Variants in NWD2 observed in about 807,000 individuals in gnomAD.
The protein encoded by NWD2 is NACHT and WD repeat domain-containing protein 2.
A neutral mutation model predicts 132.7 loss-of-function variants in NWD2; 37 were observed. The ratio of observed to expected loss-of-function variants is 0.28; its 90% CI spans 0.21 to 0.37. The LOEUF is 0.37. Ranked by LOEUF, NWD2 falls within the 10% of genes least tolerant of loss-of-function variation. The probability of loss-of-function intolerance (pLI) is 1.00; values close to 1 mark genes in which losing one functional copy is unlikely to be tolerated. For synonymous variants in NWD2, 705 were observed against 803.0 expected, an observed-to-expected ratio of 0.88 and a Z score of 2.06; for missense variants, 1,592 against 2,122.4, an observed-to-expected ratio of 0.75 and a Z score of 4.91.
intron 3 of NWD2, among the ~76,000 whole-genome samples, chr4:37,395,955 G>A (rs113615605): frequency 2.0e-5 from 3 of 151,868 alleles, no homozygotes; most frequent in African/African-American, 7.2e-5. Context: ...TGTCTGAGAT[G>A]TATTGCTTCC....
intron 1 of NWD2, among the ~76,000 whole-genome samples, chr4:37,274,766 G>C (rs1035229308): frequency 1.3e-5 from 2 of 152,070 alleles, no homozygotes; most frequent in Admixed American, 6.6e-5. Context: ...GGGATGCAAG[G>C]CTGGTTCAAC....
rs1712672020 is a variant in NWD2, at chr4:37,447,513, C to T, written c.*296C>T. ...TGTGGTGAGGCAGCATAATACATCCCACTGGTTAAGATGAGAGAGGCTAGA... is the reference window on the plus strand; with the variant it reads ...TGTGGTGAGGCAGCATAATACATCCTACTGGTTAAGATGAGAGAGGCTAGA... On this transcript the variant is annotated 3_prime_UTR_variant, in exon 7 of 7. Transcript: ENST00000309447. The T allele has an allele frequency of 2.5e-6, 1 of 396,374 alleles. No homozygotes were observed. The highest frequency in any genetic ancestry group is 4.9e-5 in the East Asian group (1 of 20,310). The allele number at this position is 396,374 out of a possible 1,614,324, so 24.6% of individuals were successfully genotyped here.
At chr4:37,339,145 T>C (rs756041856) in intron 2 of NWD2, among the ~76,000 whole-genome samples, 1 of 152,178 alleles carries the variant, frequency 6.6e-6, no homozygotes, top group Non-Finnish European at 1.5e-5. Context: ...CCTTACCAAG[T>C]TGACATTCCC....
intron 3 of NWD2, among the ~76,000 whole-genome samples, chr4:37,388,675 T>TATATCGTATATATCATATATAA (rs1720619859): frequency 1.4e-5 from 2 of 146,272 alleles, no homozygotes; most frequent in African/African-American, 2.5e-5. Context: ...TATATAAATA[T>TATATCGTATATATCATATATAA]ATATCGTATA....
intron 1 of NWD2, among the ~76,000 whole-genome samples, chr4:37,296,001 G>A (rs1191767993): frequency 2.0e-5 from 3 of 152,204 alleles, no homozygotes; most frequent in African/African-American, 4.8e-5. Flanking sequence ...ACTGAGCAAT[G>A]TAAAATTTGA....
intron 1 of NWD2, among the ~76,000 whole-genome samples, chr4:37,305,827 C>G (rs1452727297): frequency 2.0e-5 from 3 of 152,098 alleles, no homozygotes; most frequent in Admixed American, 1.3e-4. Context: ...CAGAGTAATG[C>G]TACTCTTATA....
chr4:37,318,020 C>CTTTTTTTTTTTTTTTTTTTT, intron 1 of NWD2, among the ~76,000 whole-genome samples: 2 of 113,336 alleles, frequency 1.8e-5, no homozygotes, highest in Middle Eastern at 4.6e-3. Context: ...TTTTTTCTTT[C>CTTTTTTTTTTTTTTTTTTTT]TTTTTTTTTT....
intron 3 of NWD2, among the ~76,000 whole-genome samples, chr4:37,372,783 T>C (rs1720255548): frequency 6.6e-6 from 1 of 152,238 alleles, no homozygotes; most frequent in Admixed American, 6.5e-5. Flanking sequence ...CTGTGCAGCA[T>C]AGAAAGCTCT....
chr4:37,266,187 A>T (rs1196838854), intron 1 of NWD2, among the ~76,000 whole-genome samples: 1 of 152,084 alleles, frequency 6.6e-6, no homozygotes, highest in Non-Finnish European at 1.5e-5. Context: ...TGATTTTCCC[A>T]AATTAGCCTA....
intron 1 of NWD2, among the ~76,000 whole-genome samples, chr4:37,306,369 G>A (rs950595190): frequency 6.6e-6 from 1 of 151,842 alleles, no homozygotes; most frequent in Admixed American, 6.6e-5. Context: ...GTGGGGTTTT[G>A]TTTTTTCTTG....
intron 1 of NWD2, among the ~76,000 whole-genome samples, chr4:37,273,722 A>G (rs1002715245): frequency 1.3e-5 from 2 of 152,204 alleles, no homozygotes; most frequent in African/African-American, 2.4e-5. Flanking sequence ...AGAAATTATT[A>G]CAAACTGTTT....
intron 1 of NWD2, among the ~76,000 whole-genome samples, chr4:37,317,725 G>A (rs1287779831): frequency 3.3e-5 from 5 of 152,158 alleles, no homozygotes; most frequent in Non-Finnish European, 5.9e-5. Flanking sequence ...GGTCAAGTTT[G>A]ATTATTGCTT....
At chr4:37,319,294 G>A (rs188976980) in intron 1 of NWD2, among the ~76,000 whole-genome samples, 2 of 152,134 alleles carry the variant, frequency 1.3e-5, no homozygotes, top group East Asian at 3.9e-4. Flanking sequence ...ACCTCTTCAT[G>A]TCTTTTGCCC....
chr4:37,272,015 G>T (rs1292353611), intron 1 of NWD2, among the ~76,000 whole-genome samples: 1 of 151,762 alleles, frequency 6.6e-6, no homozygotes, highest in Non-Finnish European at 1.5e-5. Context: ...TTATGAATCG[G>T]TTTGAATTGT....
intron 3 of NWD2, among the ~76,000 whole-genome samples, chr4:37,414,881 C>T (rs190703736): frequency 5.3e-5 from 8 of 152,268 alleles, no homozygotes; most frequent in Admixed American, 1.3e-4. Context: ...GGGAAATCCA[C>T]GAATTGACAT....
At chr4:37,423,206 G>T (rs1711875395) in intron 3 of NWD2, among the ~76,000 whole-genome samples, 1 of 152,006 alleles carries the variant, frequency 6.6e-6, no homozygotes, top group Non-Finnish European at 1.5e-5. Context: ...CATGTCTGTT[G>T]GTGCCAAAAA....
chr4:37,311,118 G>A (rs1210408906), intron 1 of NWD2, among the ~76,000 whole-genome samples: 1 of 152,030 alleles, frequency 6.6e-6, no homozygotes, highest in Admixed American at 6.5e-5. Flanking sequence ...CTTTATAGCA[G>A]CGTGATTTAT....
At chr4:37,372,533 G>T (rs1330035530) in intron 3 of NWD2, among the ~76,000 whole-genome samples, 1 of 152,190 alleles carries the variant, frequency 6.6e-6, no homozygotes, top group Non-Finnish European at 1.5e-5. Flanking sequence ...CCTGAATGCA[G>T]ATATGTTCAT....
At chr4:37,359,005 A>G (rs1349548065) in intron 3 of NWD2, among the ~76,000 whole-genome samples, 1 of 152,132 alleles carries the variant, frequency 6.6e-6, no homozygotes, top group Non-Finnish European at 1.5e-5. Context: ...GGAAACCTCA[A>G]TTACTGTGAT....
Sources: allele counts gnomAD v4.1 joint callset (sites outside exome capture counted in the v4.1 genomes callset), GRCh38; gene constraint gnomAD v4.1.1; transcripts MANE v1.5; gene names NCBI Gene and HGNC (gene_info 2026-07-23, HGNC 2026-07-21).